Variants in LSAMP observed in about 807,000 individuals in gnomAD.
LSAMP encodes limbic system associated membrane protein, also known as limbic system-associated membrane protein.
A neutral mutation model predicts 38.6 loss-of-function variants in LSAMP; 7 were observed. That is an observed-to-expected ratio of 0.18 (90% CI 0.10 to 0.34). LSAMP has a LOEUF of 0.34. Among genes scored for constraint, LSAMP ranks in the 10% least tolerant of loss-of-function variants. LSAMP has a pLI of 1.00. For missense variants in LSAMP, 313 were observed against 420.0 expected (o/e 0.75, Z 2.23); for synonymous variants, 154 against 166.8 (o/e 0.92, Z 0.59).
chr3:116,236,955 TATATATATGC>T (rs2046472353), intron 1 of LSAMP, among the ~76,000 whole-genome samples: 1 of 96,980 alleles, frequency 1.0e-5, no homozygotes, highest in Non-Finnish European at 2.5e-5. Flanking sequence ...ATAAGCCATA[TATATATATGC>T]ATATATATAC....
At chr3:116,248,156 T>G (rs1287719846) in intron 1 of LSAMP, among the ~76,000 whole-genome samples, 1 of 152,088 alleles carries the variant, frequency 6.6e-6, no homozygotes, top group Non-Finnish European at 1.5e-5. Flanking sequence ...GCTCCCAGAT[T>G]AAAGGGAAAG....
chr3:116,119,949 G>A (rs1337814219), intron 1 of LSAMP, among the ~76,000 whole-genome samples: 3 of 152,064 alleles, frequency 2.0e-5, no homozygotes, highest in Non-Finnish European at 1.5e-5. Context: ...GTGAGCCACC[G>A]TGCCTGGCCA....
intron 1 of LSAMP, among the ~76,000 whole-genome samples, chr3:116,415,553 A>T (rs2049038759): frequency 6.6e-6 from 1 of 152,126 alleles, no homozygotes; most frequent in Admixed American, 6.6e-5. Context: ...TCTTTGGTAC[A>T]GTGGCAGGAA....
At chr3:115,887,044 G>T (rs1280547299) in intron 3 of LSAMP, among the ~76,000 whole-genome samples, 1 of 151,858 alleles carries the variant, frequency 6.6e-6, no homozygotes. Flanking sequence ...AACATACAAG[G>T]CATTTTATAT....
intron 1 of LSAMP, among the ~76,000 whole-genome samples, chr3:116,179,213 A>G (rs538367685): frequency 1.1e-4 from 16 of 152,272 alleles, no homozygotes; most frequent in African/African-American, 2.6e-4. Flanking sequence ...CAGTCCCCAC[A>G]AAACCCAAAA....
chr3:116,438,360 C>A (rs757627433), intron 1 of LSAMP, among the ~76,000 whole-genome samples: 1 of 152,080 alleles, frequency 6.6e-6, no homozygotes, highest in Non-Finnish European at 1.5e-5. Context: ...ATAAAAATAG[C>A]TTGTGTAGTA....
chr3:116,171,530 T>A (rs1390248449), intron 1 of LSAMP, among the ~76,000 whole-genome samples: 4 of 152,144 alleles, frequency 2.6e-5, no homozygotes, highest in African/African-American at 9.7e-5. Flanking sequence ...TGGCCCTACC[T>A]GATTTTTTTA....
chr3:116,201,853 A>T lies in LSAMP; in HGVS notation c.156-115297T>A, dbSNP rs556293953. On this transcript the variant is annotated intron_variant, in intron 1 of 6. Transcript: ENST00000490035. ...CATCTGTGGAGAGAACAATAGATTTATTCAGTCCTCTCAAGGATGCTAGCT... is the reference window on the plus strand; with the variant it reads ...CATCTGTGGAGAGAACAATAGATTTTTTCAGTCCTCTCAAGGATGCTAGCT... Among the ~76,000 whole-genome samples, 7 of 152,308 alleles carry T rather than the reference A, an allele frequency of 4.6e-5. 1 individual carries two copies. The South Asian group carries it at 1.4e-3, about 32-fold the overall frequency.
intron 1 of LSAMP, among the ~76,000 whole-genome samples, chr3:116,112,286 A>G (rs189595291): frequency 2.0e-5 from 3 of 152,284 alleles, no homozygotes; most frequent in African/African-American, 7.2e-5. Flanking sequence ...AATAAAGAGT[A>G]TGATTGTGTG....
At chr3:115,850,620 T>A (rs529577683) in intron 4 of LSAMP, among the ~76,000 whole-genome samples, 2 of 152,302 alleles carry the variant, frequency 1.3e-5, no homozygotes, top group East Asian at 3.9e-4. Context: ...ATTTCAAAAC[T>A]CTATTACTAA....
chr3:116,052,306 C>T (rs1012290181), intron 2 of LSAMP, among the ~76,000 whole-genome samples: 2 of 151,956 alleles, frequency 1.3e-5, no homozygotes, highest in African/African-American at 2.4e-5. Context: ...AAGAGAGAGA[C>T]AGAGAAAGGG....
At chr3:115,946,500 T>C (rs1346117305) in intron 3 of LSAMP, among the ~76,000 whole-genome samples, 3 of 152,118 alleles carry the variant, frequency 2.0e-5, no homozygotes, top group African/African-American at 7.2e-5. Context: ...CTAGAAAATA[T>C]AAACAGAGAT....
At chr3:116,414,442 C>CTATT (rs1276642194) in intron 1 of LSAMP, among the ~76,000 whole-genome samples, 1 of 152,082 alleles carries the variant, frequency 6.6e-6, no homozygotes, top group South Asian at 2.1e-4. Flanking sequence ...ATTCATTCAT[C>CTATT]TATTTATTTA....
At chr3:116,230,920 G>A (rs2046396137) in intron 1 of LSAMP, among the ~76,000 whole-genome samples, 1 of 152,170 alleles carries the variant, frequency 6.6e-6, no homozygotes, top group South Asian at 2.1e-4. Flanking sequence ...CTGAGGAAGA[G>A]TTTGTAGTCT....
intron 1 of LSAMP, among the ~76,000 whole-genome samples, chr3:116,112,443 C>T (rs150576848): frequency 3.3e-5 from 5 of 152,200 alleles, no homozygotes; most frequent in South Asian, 4.1e-4. Context: ...AATGAGCTTG[C>T]GAATGACTAT....
At chr3:116,208,383 A>G (rs1394452794) in intron 1 of LSAMP, among the ~76,000 whole-genome samples, 1 of 151,938 alleles carries the variant, frequency 6.6e-6, no homozygotes, top group Non-Finnish European at 1.5e-5. Flanking sequence ...GATTGTCTGA[A>G]GCCTTCTTCT....
At chr3:115,900,724 T>C (rs978452978) in intron 3 of LSAMP, among the ~76,000 whole-genome samples, 5 of 152,130 alleles carry the variant, frequency 3.3e-5, no homozygotes, top group Admixed American at 6.5e-5. Flanking sequence ...TCTCTTGTCT[T>C]CAGCATCAAG....
intron 1 of LSAMP, among the ~76,000 whole-genome samples, chr3:116,149,287 A>G (rs1709558117): frequency 6.6e-6 from 1 of 152,034 alleles, no homozygotes; most frequent in African/African-American, 2.4e-5. Flanking sequence ...AAAGCAGAGC[A>G]GAGTAGGAGT....
chr3:116,444,883 A>G lies in LSAMP; in HGVS notation c.149T>C (p.Ile50Thr). The G allele has an allele frequency of 6.2e-7, 1 of 1,613,980 alleles. No individual in the cohort carries two copies. The highest frequency in any genetic ancestry group is 8.5e-7 in the Non-Finnish European group (1 of 1,179,996). Residue 50 changes from isoleucine to threonine, a missense_variant, in exon 1 of 7, where the codon ATC (isoleucine) becomes ACC (threonine). Coordinates refer to ENST00000490035, the MANE Select transcript of LSAMP (RefSeq NM_002338.5). ...AGTTGCCCGAAAGCCCTACCTGAGG[A>G]TGGCTGTGTCCCCCTGCCTCACGGT... is the stretch of plus-strand genomic sequence containing the variant. ...NITVRQGDTA[I>T]LRCVVEDKNS...
Sources: allele counts gnomAD v4.1 joint callset (sites outside exome capture counted in the v4.1 genomes callset), GRCh38; gene constraint gnomAD v4.1.1; transcripts MANE v1.5; gene names NCBI Gene and HGNC (gene_info 2026-07-23, HGNC 2026-07-21).